CCDC102B: variants seen among roughly 807,000 people sequenced by gnomAD.
The protein encoded by CCDC102B is coiled-coil domain containing 102B, also known as coiled-coil domain-containing protein 102B.
CCDC102B carries 75 observed loss-of-function variants against 57.4 expected under a neutral mutation model. The ratio of observed to expected loss-of-function variants is 1.31; its 90% CI spans 1.08 to 1.58. The LOEUF (loss-of-function observed/expected upper bound fraction) is 1.58, where lower values mean the gene tolerates loss of function less well. CCDC102B is among the 40% of genes most tolerant of loss of function. The probability of loss-of-function intolerance (pLI) is 0.00; values close to 1 mark genes in which losing one functional copy is unlikely to be tolerated. For missense variants in CCDC102B, 636 were observed against 582.6 expected (o/e 1.09, Z -0.94); for synonymous variants, 206 against 201.9 (o/e 1.02, Z -0.17).
At chr18:68,839,829 T>C (rs952304333) in intron 3 of CCDC102B, among the ~76,000 whole-genome samples, 1 of 152,152 alleles carries the variant, frequency 6.6e-6, no homozygotes, top group Non-Finnish European at 1.5e-5. Context: ...TTTGAATGAT[T>C]CTGCCTCAAA....
At chr18:68,900,981 C>T (rs1177397954) in intron 6 of CCDC102B, among the ~76,000 whole-genome samples, 1 of 152,066 alleles carries the variant, frequency 6.6e-6, no homozygotes. Flanking sequence ...CGTTTATGGA[C>T]AAGAATCAGT....
intron 2 of CCDC102B, among the ~76,000 whole-genome samples, chr18:68,789,058 G>A (rs1453128212): frequency 1.3e-5 from 2 of 152,256 alleles, no homozygotes; most frequent in East Asian, 1.9e-4. Flanking sequence ...TTGCTTATCT[G>A]TAAAGTATTT....
At chr18:68,790,564 A>G (rs973064304) in intron 2 of CCDC102B, among the ~76,000 whole-genome samples, 2 of 152,196 alleles carry the variant, frequency 1.3e-5, no homozygotes, top group East Asian at 1.9e-4. Context: ...GGAAAAGTGC[A>G]GTATTCGGGT....
At chr18:68,849,661 G>T (rs115288796) in intron 4 of CCDC102B, among the ~76,000 whole-genome samples, 1 of 152,110 alleles carries the variant, frequency 6.6e-6, no homozygotes, top group Non-Finnish European at 1.5e-5. Flanking sequence ...GTGGATAGCT[G>T]CCTTCCAAGT....
intron 7 of CCDC102B, among the ~76,000 whole-genome samples, chr18:69,031,695 T>C (rs2052150160): frequency 6.6e-6 from 1 of 152,162 alleles, no homozygotes; most frequent in African/African-American, 2.4e-5. Context: ...TTATGTTCTA[T>C]GAAGGTTTCA....
intron 6 of CCDC102B, among the ~76,000 whole-genome samples, chr18:68,901,473 A>G (rs983452568): frequency 1.3e-5 from 2 of 152,120 alleles, no homozygotes; most frequent in Admixed American, 6.5e-5. Flanking sequence ...TCTGGCTTAC[A>G]TGGACAGAAG....
chr18:68,842,836 A>T (rs2037696223), intron 3 of CCDC102B, among the ~76,000 whole-genome samples: 1 of 152,138 alleles, frequency 6.6e-6, no homozygotes, highest in Non-Finnish European at 1.5e-5. Flanking sequence ...TTGAGCTATA[A>T]TGTCAATTTC....
Position 68,733,039 on chromosome 18 carries a change from G to A in CCDC102B, c.-67+16445G>A, listed in dbSNP as rs148837948. Reference sequence around the variant, plus strand: ...GGGAAGGTTATGCTAAGGCTAGAGCGACTCAGAGAAAAAGTAGACTCAGTT... The same window carrying A: ...GGGAAGGTTATGCTAAGGCTAGAGCAACTCAGAGAAAAAGTAGACTCAGTT... On this transcript the variant is annotated intron_variant, in intron 2 of 3. Transcript: ENST00000578970. Among the ~76,000 whole-genome samples, 187 of 152,182 alleles carry A rather than the reference G, an allele frequency of 1.2e-3. 3 individuals carry two copies. The highest frequency in any genetic ancestry group is 0.01 in the Middle Eastern group (3 of 294).
intron 7 of CCDC102B, among the ~76,000 whole-genome samples, chr18:69,014,978 A>AGAGTGTGTGTGTGT (rs139377520): frequency 1.4e-5 from 2 of 139,432 alleles, no homozygotes; most frequent in East Asian, 2.2e-4. Context: ...AGAGAGAGAG[A>AGAGTGTGTGTGTGT]GTGTGTGTGT....
At chr18:68,930,063 A>G (rs949921023) in intron 6 of CCDC102B, among the ~76,000 whole-genome samples, 5 of 151,472 alleles carry the variant, frequency 3.3e-5, no homozygotes, top group African/African-American at 1.2e-4. Context: ...ATTTCCTAGG[A>G]CTAAGTTTGA....
intron 2 of CCDC102B, among the ~76,000 whole-genome samples, chr18:68,748,851 G>A (rs1464677627): frequency 1.3e-5 from 2 of 152,146 alleles, no homozygotes; most frequent in African/African-American, 4.8e-5. Flanking sequence ...CTGGCAATGT[G>A]TGGCAGAGAA....
rs540402384 is a variant in CCDC102B at position 68,962,946 on chromosome 18, AT to A, written c.1264-47981del. On this transcript the variant is annotated intron_variant, in intron 6 of 7. Transcript: ENST00000360242. Reference sequence around the variant, plus strand: ...TTAGGGAATCTAAACAATTCTTCCCATTTTTTTAAGGCATTACTTCATTGAT... The same window carrying A: ...TTAGGGAATCTAAACAATTCTTCCCATTTTTTAAGGCATTACTTCATTGAT... Among the ~76,000 whole-genome samples, 179 of 151,808 alleles carry A rather than the reference AT, an allele frequency of 1.2e-3. 1 individual carries two copies. Among genetic ancestry groups the A allele is most frequent in the Admixed American group, 0.011 (163 of 15,220 alleles).
chr18:68,764,460 C>A (rs1018116354), intron 2 of CCDC102B, among the ~76,000 whole-genome samples: 6 of 152,262 alleles, frequency 3.9e-5, no homozygotes, highest in Admixed American at 3.3e-4. Context: ...ATGGCAGACT[C>A]AAATTGTATT....
chr18:68,830,204 T>C (rs772600252), intron 1 of CCDC102B, among the ~76,000 whole-genome samples: 3 of 151,978 alleles, frequency 2.0e-5, no homozygotes, highest in Non-Finnish European at 4.4e-5. Context: ...GTAATGTAAA[T>C]TTCAGATACA....
At chr18:68,789,492 C>G (rs986432204) in intron 2 of CCDC102B, among the ~76,000 whole-genome samples, 1 of 151,942 alleles carries the variant, frequency 6.6e-6, no homozygotes, top group African/African-American at 2.4e-5. Context: ...TTGGTCTTTT[C>G]ACATAGTCCC....
At chr18:68,795,042 A>AG (rs2144669079), upstream of CCDC102B, among the ~76,000 whole-genome samples, 1 of 151,724 alleles carries the variant, frequency 6.6e-6, no homozygotes, top group Admixed American at 6.6e-5. Context: ...AAAAAAAAAA[A>AG]ATGTTGTGGT....
intron 2 of CCDC102B, among the ~76,000 whole-genome samples, chr18:68,718,470 C>T (rs1024425038): frequency 2.0e-5 from 3 of 152,134 alleles, no homozygotes; most frequent in Non-Finnish European, 2.9e-5. Context: ...GCAAATTAAT[C>T]GTGTTAAAAG....
At chr18:68,783,846 CTATTA>C (rs2035090889) in intron 2 of CCDC102B, among the ~76,000 whole-genome samples, 1 of 152,026 alleles carries the variant, frequency 6.6e-6, no homozygotes, top group South Asian at 2.1e-4. Context: ...TATACGGAGC[CTATTA>C]TATTAAATTA....
chr18:68,937,185 A>C (rs148533790), intron 6 of CCDC102B, among the ~76,000 whole-genome samples: 155 of 152,168 alleles, frequency 1.0e-3, no homozygotes, highest in Middle Eastern at 3.4e-3. Flanking sequence ...TTTCTCCCTA[A>C]GGCACATCAC....
Sources: gnomAD v4.1 joint callset for allele counts (sites outside exome capture counted in the v4.1 genomes callset) on GRCh38, gnomAD v4.1.1 for gene constraint, MANE v1.5 for transcripts, NCBI Gene and HGNC (gene_info 2026-07-23, HGNC 2026-07-21) for gene names.